GON4L: variants seen among roughly 807,000 people sequenced by gnomAD.
GON4L encodes the protein GON-4-like protein.
Under a neutral mutation model 211.8 loss-of-function variants are expected in GON4L, and 87 were observed. The ratio of observed to expected loss-of-function variants is 0.41; its 90% CI spans 0.35 to 0.49. The LOEUF is 0.49. GON4L is among the 20% of genes least tolerant of loss of function. GON4L has a pLI of 0.15. For missense variants in GON4L, 2,155 were observed against 2,659.5 expected, an observed-to-expected ratio of 0.81 and a Z score of 4.17; for synonymous variants, 875 against 962.6, an observed-to-expected ratio of 0.91 and a Z score of 1.68.
chr1:155,749,143 T>C (rs1015449787), downstream of GON4L, among the ~76,000 whole-genome samples: 4 of 152,018 alleles, frequency 2.6e-5, no homozygotes, highest in Non-Finnish European at 5.9e-5. Flanking sequence ...TCCCAGCTAC[T>C]TGGGAGGATG....
chr1:155,801,219 T>C (rs777519961), intron 11 of GON4L, among the ~76,000 whole-genome samples: 11 of 152,020 alleles, frequency 7.2e-5, no homozygotes, highest in Admixed American at 2.6e-4. Context: ...TTAAAAGATA[T>C]GTATCTCCCA....
chr1:155,791,924 T>TAA lies in GON4L; in HGVS notation c.1747+3125_1747+3126insTT, dbSNP rs1557867470. Among the ~76,000 whole-genome samples the TAA allele has an allele frequency of 6.1e-3, 532 of 86,524 alleles. 7 individuals carry two copies. The highest frequency in any genetic ancestry group is 0.022 in the African/African-American group (383 of 17,598). 56.8% of individuals were successfully genotyped at this position (86,524 alleles called of 152,430 possible). On this transcript the variant is annotated intron_variant, in intron 12 of 31. Transcript: ENST00000368331. ...TAACATAACATAACATAACATAACA[T>TAA]CACATAACATAACATAACATAAAGA...
chr1:155,847,668 C>G (rs1671377235), intron 2 of GON4L, among the ~76,000 whole-genome samples: 2 of 152,052 alleles, frequency 1.3e-5, no homozygotes, highest in South Asian at 4.1e-4. Context: ...CGCCACTGCA[C>G]TCCAGCCTGG....
At chr1:155,796,182 T>TC (rs1308415189) in intron 11 of GON4L, among the ~76,000 whole-genome samples, 2 of 151,868 alleles carry the variant, frequency 1.3e-5, no homozygotes, top group African/African-American at 4.8e-5. Flanking sequence ...ATCCTTACAA[T>TC]AAGAATCATA....
intron 10 of GON4L, among the ~76,000 whole-genome samples, chr1:155,808,491 G>T (rs1259642118): frequency 6.6e-6 from 1 of 152,040 alleles, no homozygotes; most frequent in African/African-American, 2.4e-5. Context: ...CCATGCCAAG[G>T]TTGTTTCTAT....
Position 155,773,183 on chromosome 1 carries a change from T to C in GON4L, c.2378A>G (p.Gln793Arg), listed in dbSNP as rs149234947. 1.2e-5 allele frequency: 19 copies of C among 1,614,050 alleles called. No homozygotes were observed. The African/African-American group carries it at 2.3e-4, about 19-fold the overall frequency. The part of the protein sequence containing the change: ...TANEFPCLPK[Q>R]VAWILATSKV... ...GCTTGTGGCCAGAATCCAAGCCACT[T>C]GCTTTGGCAAACAGGGAAATTCATT... is the stretch of plus-strand genomic sequence containing the variant. The change falls in exon 18 of 32, where the codon CAA (glutamine) becomes CGA (arginine). Residue 793 changes from glutamine to arginine, a missense_variant. Coordinates refer to ENST00000368331, the MANE Select transcript of GON4L (RefSeq NM_001282860.2).
chr1:155,836,408 C>A (rs187962945), intron 2 of GON4L, among the ~76,000 whole-genome samples: 1 of 152,132 alleles, frequency 6.6e-6, no homozygotes, highest in Non-Finnish European at 1.5e-5. Context: ...TGCCACCACA[C>A]CCAGCTAATT....
chr1:155,811,375 GA>G (rs1271851564), intron 10 of GON4L, among the ~76,000 whole-genome samples: 1 of 96,424 alleles, frequency 1.0e-5, no homozygotes, highest in Middle Eastern at 0.015. Flanking sequence ...CTAGAGGACA[GA>G]GCAAGACTCC....
In GON4L at chr1:155,767,440, G is replaced by A; in HGVS notation, c.2748C>T (p.Leu916=). The change falls in exon 20 of 32, where the codon CTC becomes CTT. Residue 916 remains leucine (L), a synonymous_variant. Coordinates refer to ENST00000368331, the MANE Select transcript of GON4L (RefSeq NM_001282860.2). ...AGGGCTGTACCTTTAACCAGAATGG[G>A]AGCCGGTGTTCTTCTCTCTCTATAG... ...KPPIEREEHR[L]PFWLKASLPS... The A allele has an allele frequency of 6.2e-7, 1 of 1,613,568 alleles. No homozygotes were observed. The highest frequency in any genetic ancestry group is 8.5e-7 in the Non-Finnish European group (1 of 1,179,714).
chr1:155,774,920 T>TATCCTTAG, intron 17 of GON4L, 82 bp downstream of exon 17: 1 of 1,597,252 alleles, frequency 6.3e-7, no homozygotes, highest in Non-Finnish European at 8.6e-7. Context: ...CCTAGGCAAG[T>TATCCTTAG]ATCCTTAGTT....
chr1:155,763,131 T>C (rs1053757533), intron 22 of GON4L, among the ~76,000 whole-genome samples, 181 bp downstream of exon 22: 1 of 152,160 alleles, frequency 6.6e-6, no homozygotes, highest in African/African-American at 2.4e-5. Context: ...TTTCTGAGTA[T>C]CTGTTCTCCA....
At chr1:155,800,553 C>CT (rs1666540638) in intron 11 of GON4L, among the ~76,000 whole-genome samples, 1 of 145,194 alleles carries the variant, frequency 6.9e-6, no homozygotes, top group East Asian at 2.1e-4. Flanking sequence ...GTGAAACTCT[C>CT]TCAAAAAAAA....
chr1:155,781,168 G>A (rs1004387387), intron 14 of GON4L, among the ~76,000 whole-genome samples: 7 of 151,426 alleles, frequency 4.6e-5, no homozygotes, highest in African/African-American at 1.7e-4. Flanking sequence ...TTGAGATGGA[G>A]TTTCGTTCCT....
intron 2 of GON4L, among the ~76,000 whole-genome samples, chr1:155,830,404 A>AG (rs1669647700): frequency 1.3e-5 from 2 of 150,736 alleles, no homozygotes; most frequent in Non-Finnish European, 2.9e-5. Context: ...CAGCCTCCCG[A>AG]GTGGCTGGGA....
intron 2 of GON4L, among the ~76,000 whole-genome samples, chr1:155,837,708 C>A (rs1275987588): frequency 6.6e-6 from 1 of 151,814 alleles, no homozygotes; most frequent in Non-Finnish European, 1.5e-5. Context: ...TCTTTCCTGC[C>A]CTTTTAAATC....
At chr1:155,764,536 C>T (rs1662224321) in intron 21 of GON4L, 1 of 319,646 alleles carries the variant, frequency 3.1e-6, no homozygotes, top group East Asian at 8.0e-5. Flanking sequence ...GTCTCTCGGG[C>T]TCAAGCAATT....
chr1:155,801,137 A>T (rs1465277252), intron 11 of GON4L, among the ~76,000 whole-genome samples: 1 of 142,020 alleles, frequency 7.0e-6, no homozygotes, highest in East Asian at 2.0e-4. Flanking sequence ...AAAAAAAAAG[A>T]ACTCTCTGTC....
intron 2 of GON4L, chr1:155,845,483 C>T: frequency 2.8e-6 from 1 of 351,014 alleles, no homozygotes; most frequent in Non-Finnish European, 5.7e-6. Context: ...ATGCATTCTT[C>T]ATGTGCTTTT....
chr1:155,815,857 G>A lies in GON4L; in HGVS notation c.1109C>T (p.Ser370Leu). ...VDIHLEEDDS[S>L]DEEYQPDDEE... Reference sequence around the variant, plus strand: ...ATCATCCGGCTGGTATTCTTCATCTGAGGAATCATCTTCTTCAAGGTGGAT... The same window carrying A: ...ATCATCCGGCTGGTATTCTTCATCTAAGGAATCATCTTCTTCAAGGTGGAT... Residue 370 changes from serine to leucine, a missense_variant, in exon 8 of 32, where the codon TCA (serine) becomes TTA (leucine). By Grantham distance (145) the Ser-to-Leu change is moderately radical. Transcript: ENST00000368331. 1 of 1,608,332 alleles carries A rather than the reference G, an allele frequency of 6.2e-7. No individual in the cohort carries two copies. Among genetic ancestry groups the A allele is most frequent in the Non-Finnish European group, 8.5e-7 (1 of 1,174,956 alleles).
Sources: allele counts gnomAD v4.1 joint callset (sites outside exome capture counted in the v4.1 genomes callset), GRCh38; gene constraint gnomAD v4.1.1; transcripts MANE v1.5; gene names NCBI Gene and HGNC (gene_info 2026-07-23, HGNC 2026-07-21).